SPATA9: variants seen among roughly 807,000 people sequenced by gnomAD.
SPATA9 encodes spermatogenesis-associated protein 9.
A neutral mutation model predicts 25.5 loss-of-function variants in SPATA9; 27 were observed. The observed-to-expected ratio is 1.06, with a 90% CI of 0.78 to 1.46. The LOEUF (loss-of-function observed/expected upper bound fraction) is 1.46, where lower values mean the gene tolerates loss of function less well. Among genes scored for constraint, SPATA9 ranks in the 40% most tolerant of loss-of-function variants. The pLI, the probability that SPATA9 is intolerant of heterozygous loss-of-function variation, is 0.00. For synonymous variants in SPATA9, 102 were observed against 105.7 expected, an observed-to-expected ratio of 0.97 and a Z score of 0.21; for missense variants, 282 against 297.5, an observed-to-expected ratio of 0.95 and a Z score of 0.38.
chr5:95,718,752 G>A, the SPATA9 span, among the ~76,000 whole-genome samples: 10 of 152,202 alleles, frequency 6.6e-5, no homozygotes, highest in Non-Finnish European at 1.5e-4. Context: ...GCAATAGAAT[G>A]GGGCTATGAG....
upstream of SPATA9, among the ~76,000 whole-genome samples, chr5:95,684,380 C>G (rs769083997): frequency 6.6e-6 from 1 of 152,214 alleles, no homozygotes; most frequent in Non-Finnish European, 1.5e-5. Flanking sequence ...CTTCCACCAT[C>G]CCCTAGTTCT....
chr5:95,716,607 A>G, the SPATA9 span, among the ~76,000 whole-genome samples: 15 of 152,310 alleles, frequency 9.8e-5, no homozygotes, highest in African/African-American at 3.4e-4. Context: ...GGACTGGTGG[A>G]CTTTTGAGTT....
downstream of SPATA9, chr5:95,656,912 G>T (rs1328119383): frequency 6.6e-6 from 1 of 152,014 alleles, no homozygotes; most frequent in Non-Finnish European, 1.5e-5. Flanking sequence ...CTAAATAACA[G>T]ACTTTTTATA....
chr5:95,693,878 G>C (rs923613006), intron 1 of SPATA9, among the ~76,000 whole-genome samples: 3 of 152,156 alleles, frequency 2.0e-5, no homozygotes, highest in African/African-American at 7.2e-5. Context: ...GAAAAGCAAA[G>C]TCCAGACCAG....
chr5:95,703,971 A>G, the SPATA9 span, among the ~76,000 whole-genome samples: 1 of 152,136 alleles, frequency 6.6e-6, no homozygotes, highest in African/African-American at 2.4e-5. Flanking sequence ...CCTGTATTCT[A>G]CATTCAAGAC....
intron 3 of SPATA9, among the ~76,000 whole-genome samples, chr5:95,674,060 C>T (rs551609815): frequency 7.2e-5 from 11 of 152,258 alleles, no homozygotes; most frequent in African/African-American, 2.6e-4. Flanking sequence ...TCTAAAGATA[C>T]AGGATTAAGG....
At chr5:95,701,245 AC>A (rs571524867), upstream of SPATA9, 450 of 152,252 alleles carry the variant, frequency 3.0e-3, 3 homozygotes, top group African/African-American at 0.01. Flanking sequence ...TCAGTCTCTT[AC>A]CTTATCAGGA....
intron 1 of SPATA9, among the ~76,000 whole-genome samples, chr5:95,693,235 C>T (rs559352443): frequency 6.6e-6 from 1 of 152,294 alleles, no homozygotes; most frequent in African/African-American, 2.4e-5. Flanking sequence ...GCTTCCAAAC[C>T]TAGAAATATC....
rs751168661 is a variant in SPATA9, at chr5:95,658,802, G to T, written c.586C>A (p.Pro196Thr). The change falls in exon 5 of 5, where the codon CCT becomes ACT. Residue 196 changes from proline to threonine, a missense_variant. Physicochemically the swap from Pro to Thr is conservative, Grantham distance 38. Transcript: ENST00000274432. ...GCAAACATAGGCTCCGAAAGCACAG[G>T]CTCAGAAAAGGCTTTTCTACAATTT... ...SENCRKAFSEPVLSEPMFAEG... is the reference protein window; with the variant it reads ...SENCRKAFSETVLSEPMFAEG... 2.4e-5 allele frequency: 39 copies of T among 1,613,790 alleles called. 1 individual carries two copies. In the South Asian group the frequency reaches 4.0e-4, roughly 16 times the overall value.
At chr5:95,667,843 T>A (rs569033433) in intron 3 of SPATA9, among the ~76,000 whole-genome samples, 112 of 152,314 alleles carry the variant, frequency 7.4e-4, no homozygotes, top group Non-Finnish European at 1.2e-3. Flanking sequence ...CAGTTTCTCA[T>A]GGTTTAACAC....
chr5:95,672,877 A>T (rs1752532360), intron 3 of SPATA9, among the ~76,000 whole-genome samples: 1 of 152,168 alleles, frequency 6.6e-6, no homozygotes, highest in African/African-American at 2.4e-5. Flanking sequence ...GTGTTGGGAG[A>T]TAAGTCTCCA....
chr5:95,731,737 C>T, the SPATA9 span: 1 of 1,611,800 alleles, frequency 6.2e-7, no homozygotes, highest in Non-Finnish European at 8.5e-7. Flanking sequence ...GTGCCGTGCG[C>T]CCCAGGGACA....
the SPATA9 span, among the ~76,000 whole-genome samples, chr5:95,716,070 G>A: frequency 2.6e-5 from 4 of 152,262 alleles, no homozygotes; most frequent in African/African-American, 9.6e-5. Flanking sequence ...TTACTTTGGT[G>A]AGGATGGAGA....
the SPATA9 span, among the ~76,000 whole-genome samples, chr5:95,724,415 A>G: frequency 6.6e-6 from 1 of 152,248 alleles, no homozygotes. Context: ...TTATATTTGG[A>G]AAATGTTTGG....
At chr5:95,704,064 T>TACAC in the SPATA9 span, among the ~76,000 whole-genome samples, 91 of 150,326 alleles carry the variant, frequency 6.1e-4, 1 homozygote, top group Middle Eastern at 3.4e-3. Flanking sequence ...TATACACACA[T>TACAC]ACACACACAC....
the SPATA9 span, among the ~76,000 whole-genome samples, chr5:95,706,282 G>A: frequency 8.6e-5 from 13 of 151,732 alleles, no homozygotes; most frequent in African/African-American, 2.4e-4. Context: ...GGAGGGGCCC[G>A]GTGGGAGGTG....
intron 1 of SPATA9, among the ~76,000 whole-genome samples, chr5:95,688,539 C>A (rs1339572987): frequency 1.3e-5 from 2 of 152,168 alleles, no homozygotes; most frequent in African/African-American, 4.8e-5. Flanking sequence ...GGTATGACCA[C>A]ACCTGGCCAG....
At chr5:95,731,649 T>A in the SPATA9 span, 3 of 1,612,674 alleles carry the variant, frequency 1.9e-6, no homozygotes, top group East Asian at 6.7e-5. Context: ...GCTGCTTTTC[T>A]CCGAGTCGCC....
intron 3 of SPATA9, among the ~76,000 whole-genome samples, chr5:95,670,711 T>C (rs1374266637): frequency 1.3e-5 from 2 of 152,206 alleles, no homozygotes; most frequent in Non-Finnish European, 2.9e-5. Context: ...CTGAACTCTG[T>C]CTGATGCGGC....
Sources: gnomAD v4.1 joint callset for allele counts (sites outside exome capture counted in the v4.1 genomes callset) on GRCh38, gnomAD v4.1.1 for gene constraint, MANE v1.5 for transcripts, NCBI Gene and HGNC (gene_info 2026-07-23, HGNC 2026-07-21) for gene names.